The following WDFY1 variants were observed in gnomAD, a reference collection of about 807,000 sequenced individuals.
WDFY1 encodes WD repeat and FYVE domain-containing protein 1.
Under a neutral mutation model 56.4 loss-of-function variants are expected in WDFY1, and 32 were observed. The ratio of observed to expected loss-of-function variants is 0.57; its 90% CI spans 0.43 to 0.76. WDFY1 has a LOEUF of 0.76. Among genes scored for constraint, WDFY1 ranks in the 30% least tolerant of loss-of-function variants. The pLI, the probability that WDFY1 is intolerant of heterozygous loss-of-function variation, is 0.00. For synonymous variants in WDFY1, 192 were observed against 197.3 expected (o/e 0.97, Z 0.23); for missense variants, 480 against 545.7 (o/e 0.88, Z 1.20).
chr2:223,878,753 G>A (rs1345038018), intron 11 of WDFY1, 23 bp from the exon 12 acceptor site: 2 of 1,590,264 alleles, frequency 1.3e-6, no homozygotes, highest in Non-Finnish European at 1.7e-6. Context: ...AAGAAACGCA[G>A]AAAAGGCAGC....
chr2:223,925,740 T>C (rs555259505), intron 1 of WDFY1, among the ~76,000 whole-genome samples: 1 of 152,380 alleles, frequency 6.6e-6, no homozygotes, highest in African/African-American at 2.4e-5. Flanking sequence ...GTTTATGGAA[T>C]ATTCTAAATC....
At chr2:223,892,041 C>G (rs1362091513) in intron 8 of WDFY1, among the ~76,000 whole-genome samples, 1 of 152,158 alleles carries the variant, frequency 6.6e-6, no homozygotes, top group Non-Finnish European at 1.5e-5. Context: ...GTGGTGCAAG[C>G]TTGGCTCACT....
At chr2:223,933,259 G>T (rs1006878108) in intron 1 of WDFY1, among the ~76,000 whole-genome samples, 3 of 151,960 alleles carry the variant, frequency 2.0e-5, no homozygotes, top group East Asian at 3.9e-4. Context: ...TTTATCCAGG[G>T]AAGAAGCCAC....
intron 5 of WDFY1, among the ~76,000 whole-genome samples, chr2:223,899,453 A>G (rs143273071): frequency 3.0e-4 from 45 of 152,290 alleles, no homozygotes; most frequent in African/African-American, 8.9e-4. Context: ...AGTAAAACTG[A>G]TAACTACTGG....
chr2:223,927,769 C>A (rs1034424237), intron 1 of WDFY1, among the ~76,000 whole-genome samples: 1 of 152,172 alleles, frequency 6.6e-6, no homozygotes, highest in Non-Finnish European at 1.5e-5. Flanking sequence ...TTTTGATGTG[C>A]CTTCCTCACT....
At chr2:223,934,013 T>G (rs1458588567) in intron 1 of WDFY1, among the ~76,000 whole-genome samples, 1 of 146,218 alleles carries the variant, frequency 6.8e-6, no homozygotes. Flanking sequence ...CTAGAAGTCT[T>G]AAAACACAAA....
intron 6 of WDFY1, among the ~76,000 whole-genome samples, chr2:223,897,390 A>ATATATAATTTT (rs1461451983): frequency 7.9e-6 from 1 of 125,994 alleles, no homozygotes; most frequent in Non-Finnish European, 1.6e-5. Flanking sequence ...ATATATATAT[A>ATATATAATTTT]TTTTTTAAGA....
At chr2:223,916,677 T>C (rs59409833) in intron 2 of WDFY1, among the ~76,000 whole-genome samples, 2,222 of 152,244 alleles carry the variant, frequency 0.015, 51 homozygotes, top group African/African-American at 0.05. Flanking sequence ...TTTGATGACA[T>C]CCAGGCATTC....
intron 10 of WDFY1, among the ~76,000 whole-genome samples, chr2:223,881,538 C>G (rs1005492274): frequency 3.3e-5 from 5 of 152,166 alleles, no homozygotes; most frequent in Admixed American, 1.3e-4. Context: ...GCCTGTAATC[C>G]TGGCACTTTG....
intron 7 of WDFY1, 29 bp downstream of exon 7, chr2:223,895,474 CT>C: frequency 6.2e-7 from 1 of 1,613,618 alleles, no homozygotes; most frequent in South Asian, 1.1e-5. Flanking sequence ...AACTCGGATT[CT>C]TTCCCCACCC....
At chr2:223,928,903 G>A (rs553708205) in intron 1 of WDFY1, among the ~76,000 whole-genome samples, 4 of 152,156 alleles carry the variant, frequency 2.6e-5, no homozygotes, top group African/African-American at 9.7e-5. Flanking sequence ...TTATTGCAGG[G>A]GGGGTGAGAG....
intron 3 of WDFY1, among the ~76,000 whole-genome samples, chr2:223,906,818 C>A (rs904087518): frequency 6.6e-6 from 1 of 151,752 alleles, no homozygotes; most frequent in Non-Finnish European, 1.5e-5. Context: ...CTGCACCTGG[C>A]CCCAAACTTT....
intron 1 of WDFY1, among the ~76,000 whole-genome samples, chr2:223,944,916 G>A (rs1430149082): frequency 2.0e-5 from 3 of 151,644 alleles, no homozygotes; most frequent in African/African-American, 7.3e-5. Context: ...GGGGATCCGG[G>A]CTGGAGGGGC....
chr2:223,940,111 G>T (rs929962896), intron 1 of WDFY1, among the ~76,000 whole-genome samples: 1 of 152,152 alleles, frequency 6.6e-6, no homozygotes, highest in Non-Finnish European at 1.5e-5. Context: ...ACGAGGTTTG[G>T]AGTTCAAGAC....
At chr2:223,888,960 A>G (rs1693221841) in intron 8 of WDFY1, among the ~76,000 whole-genome samples, 1 of 128,570 alleles carries the variant, frequency 7.8e-6, no homozygotes. Context: ...CTGGAATGCA[A>G]TGGCGTGATC....
intron 1 of WDFY1, among the ~76,000 whole-genome samples, chr2:223,921,867 T>A (rs540234568): frequency 6.6e-6 from 1 of 152,230 alleles, no homozygotes; most frequent in African/African-American, 2.4e-5. Context: ...TCAGCGTGAC[T>A]ACCACAGTCT....
intron 1 of WDFY1, among the ~76,000 whole-genome samples, chr2:223,941,117 C>T (rs893477404): frequency 1.3e-5 from 2 of 151,964 alleles, no homozygotes; most frequent in Non-Finnish European, 2.9e-5. Flanking sequence ...CCACTGCACC[C>T]AGCCAATTTT....
intron 1 of WDFY1, among the ~76,000 whole-genome samples, chr2:223,927,745 C>T (rs1335557765): frequency 6.6e-6 from 1 of 152,186 alleles, no homozygotes; most frequent in South Asian, 2.1e-4. Flanking sequence ...GCCTAGCTTT[C>T]GGCCTGTCTC....
At position 223,894,226 on chromosome 2, in the gene WDFY1, T is replaced by C. The variant is rs780748731; in HGVS notation, c.831+8A>G. 28 of 1,613,994 alleles carry C rather than the reference T, an allele frequency of 1.7e-5. No homozygotes were observed. The highest frequency in any genetic ancestry group is 1.6e-4 in the East Asian group (7 of 44,886). ...CCCGATCAGCCTGGACTTGCCCTTG[T>C]CTCTTACCTCTTCTCTGCTAACATC... is the stretch of plus-strand genomic sequence containing the variant. On this transcript the variant is annotated splice_region_variant and intron_variant, in intron 8 of 11. Transcript: ENST00000233055.
Sources: allele counts gnomAD v4.1 joint callset (sites outside exome capture counted in the v4.1 genomes callset), GRCh38; gene constraint gnomAD v4.1.1; transcripts MANE v1.5; gene names NCBI Gene and HGNC (gene_info 2026-07-23, HGNC 2026-07-21).